TTC23: variants seen among roughly 807,000 people sequenced by gnomAD.
TTC23 encodes the protein tetratricopeptide repeat domain 23, also known as tetratricopeptide repeat protein 23.
Under a neutral mutation model 55.1 loss-of-function variants are expected in TTC23, and 58 were observed. The observed-to-expected ratio is 1.05, with a 90% confidence interval of 0.85 to 1.31. The LOEUF is 1.31. TTC23 is among the 50% of genes most tolerant of loss of function. The probability of loss-of-function intolerance (pLI) is 0.00; values close to 1 mark genes in which losing one functional copy is unlikely to be tolerated. For synonymous variants in TTC23, 203 were observed against 199.9 expected (o/e 1.02, Z -0.13); for missense variants, 516 against 534.4 (o/e 0.97, Z 0.34).
intron 8 of TTC23, among the ~76,000 whole-genome samples, chr15:99,208,261 T>C (rs1333482636): frequency 3.3e-5 from 5 of 152,164 alleles, no homozygotes; most frequent in African/African-American, 9.6e-5. Flanking sequence ...TATATATATA[T>C]ACACACATAT....
chr15:99,237,403 ATAAATGGG>A (rs921341747), intron 3 of TTC23, among the ~76,000 whole-genome samples: 1 of 152,240 alleles, frequency 6.6e-6, no homozygotes, highest in African/African-American at 2.4e-5. Flanking sequence ...CCAAATGTCT[ATAAATGGG>A]TAAATGGGTA....
chr15:99,213,171 C>T (rs968336963), intron 8 of TTC23, among the ~76,000 whole-genome samples: 1 of 152,130 alleles, frequency 6.6e-6, no homozygotes, highest in Non-Finnish European at 1.5e-5. Context: ...GGACAAAATA[C>T]ATTTCAATAA....
chr15:99,174,949 G>T, intron 10 of TTC23, 101 bp downstream of exon 10: 1 of 866,242 alleles, frequency 1.2e-6, no homozygotes, highest in Non-Finnish European at 1.8e-6. Context: ...TCTGTGGCGG[G>T]CCTGTGTCGC....
chr15:99,238,015 G>A (rs1211259153), intron 3 of TTC23, among the ~76,000 whole-genome samples: 2 of 152,080 alleles, frequency 1.3e-5, no homozygotes, highest in Non-Finnish European at 2.9e-5. Flanking sequence ...ACCCAGGCTG[G>A]AGTACAGTGG....
At chr15:99,251,116 G>A (rs1157206544), upstream of TTC23, 1 of 152,204 alleles carries the variant, frequency 6.6e-6, no homozygotes, top group Non-Finnish European at 1.5e-5. Flanking sequence ...GAACAGGTCA[G>A]TAACTGGCGG....
At chr15:99,240,382 C>A (rs2079670493) in intron 3 of TTC23, among the ~76,000 whole-genome samples, 1 of 152,056 alleles carries the variant, frequency 6.6e-6, no homozygotes. Flanking sequence ...GCTCATCTAA[C>A]TTGTATATAT....
intron 4 of TTC23, among the ~76,000 whole-genome samples, chr15:99,230,922 G>A (rs761755130): frequency 2.6e-5 from 4 of 152,332 alleles, no homozygotes; most frequent in African/African-American, 4.8e-5. Flanking sequence ...GAAATGGTAC[G>A]TACATGGGCA....
intron 10 of TTC23, among the ~76,000 whole-genome samples, chr15:99,173,946 T>C (rs1389137502): frequency 6.6e-6 from 1 of 152,216 alleles, no homozygotes; most frequent in African/African-American, 2.4e-5. Context: ...GTTTTATTAA[T>C]AGGTATGGAA....
intron 4 of TTC23, among the ~76,000 whole-genome samples, chr15:99,229,756 C>T (rs560259588): frequency 5.3e-5 from 8 of 152,328 alleles, no homozygotes; most frequent in African/African-American, 9.6e-5. Context: ...GTAAGGCTGG[C>T]GCCTGTTCCC....
chr15:99,155,908 A>T, intron 12 of TTC23: 1 of 549,156 alleles, frequency 1.8e-6, no homozygotes, highest in Non-Finnish European at 3.2e-6. Flanking sequence ...TACGTAAAAA[A>T]TTAAAAATAT....
intron 9 of TTC23, among the ~76,000 whole-genome samples, chr15:99,197,142 G>A (rs1596566004): frequency 6.9e-6 from 1 of 145,576 alleles, no homozygotes; most frequent in Non-Finnish European, 1.5e-5. Flanking sequence ...ACGCTCCAAC[G>A]CCCAGGCTGG....
In TTC23 at chr15:99,217,575, G is replaced by A. The variant is rs550123788; in HGVS notation, c.581+1013C>T. ...ATTTATCTATGATGTGTGTGTAGGAGAATGAGAGAAAAGATCGGAGATGAA... is the reference window on the plus strand; with the variant it reads ...ATTTATCTATGATGTGTGTGTAGGAAAATGAGAGAAAAGATCGGAGATGAA... On this transcript the variant is annotated intron_variant, in intron 8 of 13. Coordinates refer to ENST00000394132, the MANE Select transcript of TTC23 (RefSeq NM_001288615.3). 4.6e-5 allele frequency among the ~76,000 whole-genome samples: 7 copies of A among 152,320 alleles called. No individual in the cohort carries two copies. In the South Asian group the frequency reaches 1.5e-3, roughly 32 times the overall value.
intron 7 of TTC23, 44 bp downstream of exon 7, chr15:99,218,854 G>T (rs144143144): frequency 7.5e-6 from 12 of 1,600,948 alleles, no homozygotes; most frequent in Non-Finnish European, 1.0e-5. Flanking sequence ...TAAGTGTTAC[G>T]TGAATAGTAT....
At chr15:99,200,317 G>C (rs1174263060) in intron 8 of TTC23, among the ~76,000 whole-genome samples, 1 of 152,158 alleles carries the variant, frequency 6.6e-6, no homozygotes, top group African/African-American at 2.4e-5. Context: ...CCACTGACTA[G>C]ATGTACGATC....
At chr15:99,247,658 T>C (rs1367631306) in intron 1 of TTC23, among the ~76,000 whole-genome samples, 2 of 152,164 alleles carry the variant, frequency 1.3e-5, no homozygotes, top group African/African-American at 4.8e-5. Context: ...GGTAAATTTA[T>C]AGACAGAAAG....
chr15:99,220,168 G>C (rs570220876), intron 6 of TTC23, among the ~76,000 whole-genome samples: 37 of 152,270 alleles, frequency 2.4e-4, no homozygotes, highest in African/African-American at 8.7e-4. Flanking sequence ...GCCCAGGATG[G>C]ATCCCCTGCT....
At chr15:99,185,802 T>C (rs1272415624) in intron 9 of TTC23, among the ~76,000 whole-genome samples, 1 of 152,214 alleles carries the variant, frequency 6.6e-6, no homozygotes, top group Non-Finnish European at 1.5e-5. Context: ...AGATGACGGC[T>C]CTTTCAGCAG....
chr15:99,215,156 T>G (rs1438548359), intron 8 of TTC23, among the ~76,000 whole-genome samples: 1 of 151,994 alleles, frequency 6.6e-6, no homozygotes, highest in African/African-American at 2.4e-5. Context: ...GTGCCTGACC[T>G]CCTGCCCATC....
chr15:99,180,958 G>A (rs539945585), intron 9 of TTC23, among the ~76,000 whole-genome samples: 20 of 152,170 alleles, frequency 1.3e-4, no homozygotes, highest in African/African-American at 4.8e-4. Context: ...GGGAAGGAGG[G>A]AACTAACATC....
Sources: gnomAD v4.1 joint callset for allele counts (sites outside exome capture counted in the v4.1 genomes callset) on GRCh38, gnomAD v4.1.1 for gene constraint, MANE v1.5 for transcripts, NCBI Gene and HGNC (gene_info 2026-07-23, HGNC 2026-07-21) for gene names.